MCHR2: variants seen among roughly 807,000 people sequenced by gnomAD.
MCHR2 encodes melanin concentrating hormone receptor 2.
MCHR2 carries 15 observed loss-of-function variants against 24.8 expected under a neutral mutation model. The ratio of observed to expected loss-of-function variants is 0.60; its 90% confidence interval spans 0.40 to 0.93. The LOEUF (loss-of-function observed/expected upper bound fraction) is 0.93. MCHR2 is among the 40% of genes least tolerant of loss of function. The pLI, the probability that MCHR2 is intolerant of heterozygous loss-of-function variation, is 0.00. For synonymous variants in MCHR2, 151 were observed against 147.6 expected, an observed-to-expected ratio of 1.02 and a Z score of -0.17; for missense variants, 386 against 408.7, an observed-to-expected ratio of 0.94 and a Z score of 0.48.
intron 5 of MCHR2, among the ~76,000 whole-genome samples, chr6:99,924,757 GAGA>G (rs1160967862): frequency 3.9e-5 from 6 of 152,216 alleles, no homozygotes; most frequent in Admixed American, 1.3e-4. Context: ...ATTGTGGTCA[GAGA>G]AGATGTTTGG....
At chr6:99,966,373 T>C (rs1318393030) in intron 1 of MCHR2, among the ~76,000 whole-genome samples, 1 of 152,228 alleles carries the variant, frequency 6.6e-6, no homozygotes, top group Admixed American at 6.5e-5. Context: ...ATCATAAATA[T>C]AATTTTGTGA....
intron 1 of MCHR2, among the ~76,000 whole-genome samples, chr6:99,985,622 A>C (rs1775754684): frequency 6.6e-6 from 1 of 152,204 alleles, no homozygotes. Context: ...TTGAATAGTC[A>C]TATGCAGAAG....
intron 1 of MCHR2, among the ~76,000 whole-genome samples, chr6:99,992,480 G>A (rs1324206217): frequency 6.6e-6 from 1 of 152,146 alleles, no homozygotes; most frequent in Non-Finnish European, 1.5e-5. Context: ...TAGTTTTTGA[G>A]GAGAGCCAGG....
In MCHR2 at chr6:99,969,490, A is replaced by AAG. The variant is rs1459175297; in HGVS notation, c.-27-13317_-27-13316insCT. ...CTCCATCTCAAAAAAAAAAAAAAAAAAAGAAAAGAAAACTCAAGAGAAGGA... is the reference window on the plus strand; with the variant it reads ...CTCCATCTCAAAAAAAAAAAAAAAAAAGAAGAAAAGAAAACTCAAGAGAAGGA... On this transcript the variant is annotated intron_variant, in intron 1 of 5. Coordinates refer to ENST00000281806, the MANE Select transcript of MCHR2 (RefSeq NM_001040179.2). Among the ~76,000 whole-genome samples, 11 of 93,438 alleles carry AAG rather than the reference A, an allele frequency of 1.2e-4. No individual in the cohort carries two copies. In the Admixed American group the frequency reaches 1.3e-3, roughly 11 times the overall value. 61.3% of individuals were successfully genotyped at this position (93,438 alleles called of 152,430 possible).
At chr6:99,951,297 C>A (rs924785650) in intron 2 of MCHR2, among the ~76,000 whole-genome samples, 1 of 152,122 alleles carries the variant, frequency 6.6e-6, no homozygotes, top group African/African-American at 2.4e-5. Context: ...TCCTGAAGCA[C>A]TGTGCTGAGA....
chr6:99,924,946 T>C (rs1774318902), intron 5 of MCHR2, among the ~76,000 whole-genome samples: 1 of 152,104 alleles, frequency 6.6e-6, no homozygotes, highest in South Asian at 2.1e-4. Flanking sequence ...AAGTCCAATG[T>C]TTCTTTGTCA....
At chr6:99,957,133 A>G (rs1482618650) in intron 1 of MCHR2, among the ~76,000 whole-genome samples, 3 of 152,166 alleles carry the variant, frequency 2.0e-5, no homozygotes, top group Non-Finnish European at 4.4e-5. Flanking sequence ...TATGGATGAC[A>G]TAACATTTGA....
intron 1 of MCHR2, among the ~76,000 whole-genome samples, chr6:99,990,126 T>C (rs542776914): frequency 1.3e-5 from 2 of 152,316 alleles, no homozygotes; most frequent in East Asian, 3.9e-4. Flanking sequence ...AGCTCAATTA[T>C]TTAGAAGGTT....
chr6:99,931,230 G>T (rs557866894), intron 5 of MCHR2, among the ~76,000 whole-genome samples: 1 of 152,156 alleles, frequency 6.6e-6, no homozygotes, highest in Admixed American at 6.5e-5. Flanking sequence ...GCCATGTGAG[G>T]TGTCAGTCTG....
chr6:99,932,079 A>G (rs186773577), intron 5 of MCHR2, among the ~76,000 whole-genome samples: 137 of 152,230 alleles, frequency 9.0e-4, no homozygotes, highest in African/African-American at 3.2e-3. Flanking sequence ...GCTTTAGTTC[A>G]TCTGGGAAAG....
chr6:99,943,181 TA>T (rs749682859), intron 3 of MCHR2, 38 bp from the exon 4 acceptor site: 15 of 1,535,266 alleles, frequency 9.8e-6, no homozygotes, highest in African/African-American at 1.4e-5. Flanking sequence ...GAACAATCAA[TA>T]AAAGCACTGA....
intron 2 of MCHR2, among the ~76,000 whole-genome samples, 183 bp downstream of exon 2, chr6:99,955,782 TG>T (rs1775047086): frequency 6.6e-6 from 1 of 152,114 alleles, no homozygotes; most frequent in Admixed American, 6.6e-5. Flanking sequence ...GATTTGCAAC[TG>T]AGATGTTACC....
At chr6:99,964,727 C>G (rs1775261065) in intron 1 of MCHR2, among the ~76,000 whole-genome samples, 2 of 151,908 alleles carry the variant, frequency 1.3e-5, no homozygotes, top group Non-Finnish European at 2.9e-5. Context: ...ACAGCCAAAC[C>G]ATATAACTGA....
rs1454529001 is a variant in MCHR2 at position 99,975,210 on chromosome 6, G to C, written c.-28+18726C>G. Among the ~76,000 whole-genome samples, 3 of 152,324 alleles carry C rather than the reference G, an allele frequency of 2.0e-5. No homozygotes were observed. The East Asian group carries it at 5.8e-4, about 29-fold the overall frequency. On this transcript the variant is annotated intron_variant, in intron 1 of 5. Transcript: ENST00000281806. ...AGGCAGGCAGGTCTCCTTGAGCTGT[G>C]GTGGGCTCCACCCAGTTTGAGCTTC...
chr6:99,956,800 C>A (rs1294227028), intron 1 of MCHR2, among the ~76,000 whole-genome samples: 1 of 151,960 alleles, frequency 6.6e-6, no homozygotes, highest in African/African-American at 2.4e-5. Flanking sequence ...GTAAATAAAG[C>A]AAAATAGAAC....
chr6:99,978,428 T>TTTG (rs1178141552), intron 1 of MCHR2, among the ~76,000 whole-genome samples: 1 of 144,190 alleles, frequency 6.9e-6, no homozygotes, highest in Admixed American at 6.9e-5. Context: ...CAGTTTTTTT[T>TTTG]TTTTTTTTTT....
intron 4 of MCHR2, among the ~76,000 whole-genome samples, chr6:99,941,993 A>G (rs1774780175): frequency 6.6e-6 from 1 of 152,174 alleles, no homozygotes; most frequent in South Asian, 2.1e-4. Flanking sequence ...GAGATAGCAT[A>G]TGTAAAAATA....
Position 99,919,718 on chromosome 6 carries a change from T to G in MCHR2, c.*1222A>C. ...ACCAAAAGGGAATGTTTCTTGTTTT[T>G]TTTTTTGTTTGTTTTGTTTTTTTTT... On this transcript the variant is annotated 3_prime_UTR_variant, in exon 6 of 6. Coordinates refer to ENST00000281806, the MANE Select transcript of MCHR2 (RefSeq NM_001040179.2). 6.8e-6 allele frequency among the ~76,000 whole-genome samples: 1 copy of G among 147,686 alleles called. No individual in the cohort carries two copies. The highest frequency in any genetic ancestry group is 1.9e-4 in the East Asian group (1 of 5,142).
chr6:99,960,450 A>G (rs1476015188), intron 1 of MCHR2, among the ~76,000 whole-genome samples: 1 of 152,136 alleles, frequency 6.6e-6, no homozygotes, highest in East Asian at 1.9e-4. Flanking sequence ...CAAGCTACCA[A>G]TGACTTTCTT....
Sources: allele counts gnomAD v4.1 joint callset (sites outside exome capture counted in the v4.1 genomes callset), GRCh38; gene constraint gnomAD v4.1.1; transcripts MANE v1.5; gene names NCBI Gene and HGNC (gene_info 2026-07-23, HGNC 2026-07-21).